The following PRELID2 variants were observed in gnomAD, a reference collection of about 807,000 sequenced individuals.
The protein encoded by PRELID2 is PRELI domain containing 2, also known as PRELI domain-containing protein 2.
In PRELID2, 25 loss-of-function variants were observed where a neutral mutation model predicts 28.4. The observed-to-expected ratio is 0.88, with a 90% CI of 0.64 to 1.23. PRELID2 has a LOEUF of 1.23. Ranked by LOEUF, PRELID2 falls within the 50% of genes most tolerant of loss-of-function variation. PRELID2 has a pLI of 0.00. For synonymous variants in PRELID2, 76 were observed against 71.6 expected (o/e 1.06, Z -0.31); for missense variants, 201 against 214.4 (o/e 0.94, Z 0.39).
the PRELID2 span, among the ~76,000 whole-genome samples, chr5:145,367,879 T>C: frequency 6.6e-6 from 1 of 151,902 alleles, no homozygotes; most frequent in Non-Finnish European, 1.5e-5. Flanking sequence ...GCTTTATGAA[T>C]AAAGCTACTA....
chr5:145,729,456 T>A (rs538962337), intron 1 of PRELID2: 13 of 318,448 alleles, frequency 4.1e-5, no homozygotes, highest in African/African-American at 2.7e-4. Context: ...CCTCACTTTG[T>A]CTTCTTTTTC....
intron 1 of PRELID2, among the ~76,000 whole-genome samples, chr5:145,534,326 T>C (rs1050111545): frequency 7.2e-5 from 11 of 152,020 alleles, no homozygotes; most frequent in Admixed American, 2.0e-4. Flanking sequence ...ACACAGGAAA[T>C]GTGTATTTTA....
chr5:145,568,290 A>G lies in PRELID2; in HGVS notation n.71-94975T>C, dbSNP rs184582650. 3.5e-3 allele frequency among the ~76,000 whole-genome samples: 540 copies of G among 152,238 alleles called. 1 individual carries two copies. Among genetic ancestry groups the G allele is most frequent in the Non-Finnish European group, 6.4e-3 (436 of 68,012 alleles). ...TGCCAGGGGACAGAATTCTCCCCCA[A>G]TCTCCCCCGGCAGATGTTAGCGTCT... On this transcript the variant is annotated intron_variant and non_coding_transcript_variant, in intron 1 of 2. Coordinates refer to the PRELID2 transcript ENST00000510259.
At chr5:145,673,610 T>C (rs548186844) in intron 1 of PRELID2, among the ~76,000 whole-genome samples, 1 of 152,036 alleles carries the variant, frequency 6.6e-6, no homozygotes, top group African/African-American at 2.4e-5. Context: ...CTCAATCATA[T>C]CAATAAATAT....
Position 145,781,719 on chromosome 5 carries a change from CTATATA to C in PRELID2, c.474+14717_474+14722del, listed in dbSNP as rs916043879. Among the ~76,000 whole-genome samples, 52 of 144,512 alleles carry C rather than the reference CTATATA, an allele frequency of 3.6e-4. No individual in the cohort carries two copies. In the East Asian group the frequency reaches 9.3e-3, roughly 26 times the overall value. The allele number at this position is 144,512 out of a possible 152,430, so 94.8% of individuals were successfully genotyped here. A position where few individuals can be genotyped will look rare whatever the true frequency, so the allele number is the denominator to read the frequency against. ...TATACTATATATATATACACACACACTATATATATATACTATATATATACTATATCT... is the reference window on the plus strand; with the variant it reads ...TATACTATATATATATACACACACACTATATACTATATATATACTATATCT... On this transcript the variant is annotated intron_variant, in intron 5 of 6. Coordinates refer to ENST00000683046, the MANE Select transcript of PRELID2 (RefSeq NM_205846.3).
At chr5:145,406,395 A>T in the PRELID2 span, among the ~76,000 whole-genome samples, 4 of 152,224 alleles carry the variant, frequency 2.6e-5, no homozygotes, top group Non-Finnish European at 4.4e-5. Context: ...TCTGAAAAAG[A>T]CATTACTGGG....
the PRELID2 span, among the ~76,000 whole-genome samples, chr5:145,279,750 C>A: frequency 6.7e-6 from 1 of 149,264 alleles, no homozygotes; most frequent in Non-Finnish European, 1.5e-5. Context: ...AGAAAAGAAA[C>A]ACATTAAACC....
the PRELID2 span, among the ~76,000 whole-genome samples, chr5:145,386,303 A>G: frequency 6.6e-6 from 1 of 151,982 alleles, no homozygotes; most frequent in Non-Finnish European, 1.5e-5. Context: ...ATTACCTTCC[A>G]CCAGGTCCCT....
At chr5:145,377,484 A>G in the PRELID2 span, among the ~76,000 whole-genome samples, 1 of 152,138 alleles carries the variant, frequency 6.6e-6, no homozygotes, top group Non-Finnish European at 1.5e-5. Flanking sequence ...TCTCACTACT[A>G]TTGTGTGCAA....
intron 1 of PRELID2, among the ~76,000 whole-genome samples, chr5:145,652,531 A>G (rs537373524): frequency 6.6e-6 from 1 of 152,258 alleles, no homozygotes; most frequent in African/African-American, 2.4e-5. Context: ...GGGGAAGCCC[A>G]TGAGACTAAC....
At chr5:145,742,753 C>A (rs1302776727) in intron 1 of PRELID2, among the ~76,000 whole-genome samples, 3 of 150,216 alleles carry the variant, frequency 2.0e-5, no homozygotes, top group Admixed American at 6.7e-5. Flanking sequence ...AAGATAAGAG[C>A]AGAAATCAAT....
At chr5:145,394,121 C>T in the PRELID2 span, among the ~76,000 whole-genome samples, 1 of 152,094 alleles carries the variant, frequency 6.6e-6, no homozygotes, top group Non-Finnish European at 1.5e-5. Context: ...GCTATAAAGA[C>T]ACATGTACAT....
the PRELID2 span, among the ~76,000 whole-genome samples, chr5:145,414,092 T>C: frequency 6.6e-6 from 1 of 152,168 alleles, no homozygotes; most frequent in Non-Finnish European, 1.5e-5. Context: ...CCTACTGTTA[T>C]CTGACCCTTT....
chr5:145,448,246 G>T, the PRELID2 span, among the ~76,000 whole-genome samples: 1 of 151,764 alleles, frequency 6.6e-6, no homozygotes, highest in Non-Finnish European at 1.5e-5. Flanking sequence ...TTTTTCATGT[G>T]TTTTTTGGCT....
At chr5:145,230,030 C>T in the PRELID2 span, 1 of 710,590 alleles carries the variant, frequency 1.4e-6, no homozygotes, top group African/African-American at 1.7e-5. Context: ...ACCATTGTCT[C>T]CAGAGTAAGT....
At chr5:145,696,488 A>C (rs1280891525) in intron 1 of PRELID2, among the ~76,000 whole-genome samples, 3 of 152,074 alleles carry the variant, frequency 2.0e-5, no homozygotes, top group Non-Finnish European at 4.4e-5. Flanking sequence ...TCTTTTTGAG[A>C]TAGGGTCTCA....
At chr5:145,510,691 T>G (rs1439318884) in intron 1 of PRELID2, among the ~76,000 whole-genome samples, 1 of 152,226 alleles carries the variant, frequency 6.6e-6, no homozygotes, top group African/African-American at 2.4e-5. Flanking sequence ...CAAGCCAATT[T>G]TATGCATTTG....
intron 1 of PRELID2, among the ~76,000 whole-genome samples, chr5:145,608,421 T>C (rs1753540510): frequency 6.6e-6 from 1 of 152,208 alleles, no homozygotes; most frequent in Admixed American, 6.5e-5. Context: ...TAAGGATCTC[T>C]TGTAAGGCTG....
chr5:145,328,778 A>C, the PRELID2 span, among the ~76,000 whole-genome samples: 6 of 152,030 alleles, frequency 3.9e-5, no homozygotes, highest in Non-Finnish European at 1.5e-5. Context: ...TCTTTAGTTT[A>C]ATTAGATCCC....
Sources: gnomAD v4.1 joint callset for allele counts (sites outside exome capture counted in the v4.1 genomes callset) on GRCh38, gnomAD v4.1.1 for gene constraint, MANE v1.5 for transcripts, NCBI Gene and HGNC (gene_info 2026-07-23, HGNC 2026-07-21) for gene names.